Variants in CENPP observed in about 807,000 individuals in gnomAD.
The protein encoded by CENPP is centromere protein P.
CENPP carries 24 observed loss-of-function variants against 35.6 expected under a neutral mutation model. That is an observed-to-expected ratio of 0.67 (90% CI 0.49 to 0.95). The LOEUF is 0.95. CENPP is among the 40% of genes least tolerant of loss of function. CENPP has a pLI of 0.00. For missense variants in CENPP, 332 were observed against 345.3 expected (o/e 0.96, Z 0.31); for synonymous variants, 120 against 125.5 (o/e 0.96, Z 0.29).
chr9:92,551,560 G>A (rs886337977), intron 5 of CENPP, among the ~76,000 whole-genome samples: 1 of 151,862 alleles, frequency 6.6e-6, no homozygotes, highest in Non-Finnish European at 1.5e-5. Context: ...GGGTACAGAT[G>A]GTATTTGGTT....
chr9:92,596,127 TTTTG>T (rs1443429615), intron 5 of CENPP, among the ~76,000 whole-genome samples: 2 of 151,524 alleles, frequency 1.3e-5, no homozygotes, highest in Non-Finnish European at 2.9e-5. Context: ...AAAAAAGGTG[TTTTG>T]TTTGTTTGGT....
chr9:92,460,056 C>CT (rs869237016), intron 5 of CENPP, among the ~76,000 whole-genome samples: 13,431 of 109,508 alleles, frequency 0.12, 830 homozygotes, highest in Admixed American at 0.15. Context: ...AACGGTGGTT[C>CT]TTTTTTTTTT....
chr9:92,482,857 C>CT (rs1017353699), intron 5 of CENPP, among the ~76,000 whole-genome samples: 1 of 151,038 alleles, frequency 6.6e-6, no homozygotes, highest in Non-Finnish European at 1.5e-5. Context: ...AAGAACCATA[C>CT]TTTTTTTTTC....
intron 5 of CENPP, among the ~76,000 whole-genome samples, chr9:92,499,870 C>T (rs1180117879): frequency 6.6e-6 from 1 of 152,106 alleles, no homozygotes; most frequent in African/African-American, 2.4e-5. Context: ...ACCTTACTAA[C>T]AAAATATTCT....
intron 5 of CENPP, among the ~76,000 whole-genome samples, chr9:92,605,177 C>G (rs1463382105): frequency 6.6e-6 from 1 of 151,912 alleles, no homozygotes; most frequent in Admixed American, 6.5e-5. Context: ...GAAGGGGTTA[C>G]ACCATGAGAC....
At position 92,473,548 on chromosome 9, in the gene CENPP, G is replaced by C. The variant is rs983576464; in HGVS notation, c.564+93689G>C. 2.0e-5 allele frequency among the ~76,000 whole-genome samples: 3 copies of C among 152,142 alleles called. No homozygotes were observed. The East Asian group carries it at 5.8e-4, about 29-fold the overall frequency. On this transcript the variant is annotated intron_variant, in intron 5 of 7. Transcript: ENST00000375587. ...ACACCCAGCATCTGTCTCAGCTTCTGCATTTCTTGTTCCTGATGCTGTTTC... is the reference window on the plus strand; with the variant it reads ...ACACCCAGCATCTGTCTCAGCTTCTCCATTTCTTGTTCCTGATGCTGTTTC...
At chr9:92,611,673 C>T (rs907282387) in intron 6 of CENPP, among the ~76,000 whole-genome samples, 33 of 152,192 alleles carry the variant, frequency 2.2e-4, no homozygotes, top group Admixed American at 6.5e-4. Flanking sequence ...AGTGGAGATG[C>T]TTGTGGATCT....
At chr9:92,465,811 C>T (rs1469261595) in intron 5 of CENPP, among the ~76,000 whole-genome samples, 1 of 151,266 alleles carries the variant, frequency 6.6e-6, no homozygotes, top group Non-Finnish European at 1.5e-5. Flanking sequence ...AAACAGAAAC[C>T]ACGCTAAGTG....
intron 5 of CENPP, among the ~76,000 whole-genome samples, chr9:92,585,435 A>G (rs1850517047): frequency 6.6e-6 from 1 of 152,146 alleles, no homozygotes. Context: ...AGTGGTTAGA[A>G]TTTGTTTGTC....
intron 5 of CENPP, among the ~76,000 whole-genome samples, chr9:92,478,803 G>A (rs1845806138): frequency 6.6e-6 from 1 of 151,868 alleles, no homozygotes; most frequent in African/African-American, 2.4e-5. Context: ...ATGGGCTTTA[G>A]ATTCCCAGTC....
intron 5 of CENPP, among the ~76,000 whole-genome samples, chr9:92,466,816 C>A (rs1412709943): frequency 6.6e-6 from 1 of 152,132 alleles, no homozygotes; most frequent in Non-Finnish European, 1.5e-5. Flanking sequence ...TCTTTTTAAT[C>A]TTTGAATAGA....
At chr9:92,367,226 G>A (rs1314380611) in intron 4 of CENPP, among the ~76,000 whole-genome samples, 2 of 152,114 alleles carry the variant, frequency 1.3e-5, no homozygotes, top group Non-Finnish European at 2.9e-5. Context: ...GAGTGCAGTG[G>A]CACAATCTCG....
intron 5 of CENPP, among the ~76,000 whole-genome samples, chr9:92,471,217 G>A (rs899626407): frequency 1.4e-5 from 2 of 147,714 alleles, no homozygotes; most frequent in Non-Finnish European, 3.0e-5. Flanking sequence ...TTTTTTTTGA[G>A]ATGGAGTCTC....
intron 5 of CENPP, chr9:92,460,636 T>G: frequency 9.7e-7 from 1 of 1,034,252 alleles, no homozygotes; most frequent in Non-Finnish European, 1.4e-6. Flanking sequence ...TGTTTACTTT[T>G]CAAGTTTCAG....
At chr9:92,379,717 A>G (rs1390880301) in intron 4 of CENPP, 46 bp from the exon 5 acceptor site, 2 of 1,393,548 alleles carry the variant, frequency 1.4e-6, no homozygotes, top group Admixed American at 3.5e-5. Flanking sequence ...GATTGGGTCT[A>G]TCATTTAATG....
intron 5 of CENPP, chr9:92,466,228 A>C: frequency 1.5e-6 from 1 of 650,988 alleles, no homozygotes; most frequent in Admixed American, 2.9e-5. Flanking sequence ...ATTGGTTTAT[A>C]AATGGCTTAT....
chr9:92,380,916 A>G (rs1487042194), intron 5 of CENPP, among the ~76,000 whole-genome samples: 2 of 152,216 alleles, frequency 1.3e-5, no homozygotes, highest in East Asian at 3.8e-4. Context: ...CCAGTCAGGT[A>G]TGAAGTATAA....
chr9:92,460,038 G>A (rs1049715072), intron 5 of CENPP, among the ~76,000 whole-genome samples: 2 of 150,738 alleles, frequency 1.3e-5, no homozygotes, highest in African/African-American at 2.4e-5. Context: ...ATCAGCAGAG[G>A]TGGTAATAAC....
intron 5 of CENPP, among the ~76,000 whole-genome samples, chr9:92,545,656 A>C (rs1286838682): frequency 6.6e-6 from 1 of 152,218 alleles, no homozygotes; most frequent in East Asian, 1.9e-4. Context: ...ACTGGCAGCC[A>C]GCTCCACCTG....
Sources: allele counts gnomAD v4.1 joint callset (sites outside exome capture counted in the v4.1 genomes callset), GRCh38; gene constraint gnomAD v4.1.1; transcripts MANE v1.5; gene names NCBI Gene and HGNC (gene_info 2026-07-23, HGNC 2026-07-21).